The following ZFR2 variants were observed in gnomAD, a reference collection of about 807,000 sequenced individuals.
ZFR2 encodes zinc finger RNA binding protein 2.
A neutral mutation model predicts 105.7 loss-of-function variants in ZFR2; 104 were observed. That is an observed-to-expected ratio of 0.98 (90% CI 0.84 to 1.16). The LOEUF is 1.16. ZFR2 is among the 50% of genes most tolerant of loss of function. The pLI is 0.00. For missense variants in ZFR2, 1,425 were observed against 1,355.5 expected (o/e 1.05, Z -0.80); for synonymous variants, 634 against 597.7 (o/e 1.06, Z -0.89).
intron 6 of ZFR2, among the ~76,000 whole-genome samples, chr19:3,826,583 G>T (rs2037952809): frequency 6.6e-6 from 1 of 151,798 alleles, no homozygotes; most frequent in African/African-American, 2.4e-5. Context: ...TTACAGGCAC[G>T]CACCCACCAC....
chr19:3,820,204 G>T lies in ZFR2; in HGVS notation c.1718C>A (p.Ser573Ter). The change falls in exon 11 of 19, where the codon TCA (serine) becomes TAA (stop). Residue 573 changes from serine to a stop codon, truncating the protein, a stop_gained. Coordinates refer to ENST00000262961, the MANE Select transcript of ZFR2 (RefSeq NM_015174.2). LOFTEE classifies it high-confidence loss of function. ...AQPLLMGRPE[S>*]PASAPLQPGR... ...TACCTGGAGTGGGGCGCTGGCGGGT[G>T]ACTCCGGCCTGCCCATGAGCAGAGG... is the stretch of plus-strand genomic sequence containing the variant. 6.4e-7 allele frequency: 1 copy of T among 1,552,318 alleles called. No homozygotes were observed. The highest frequency in any genetic ancestry group is 8.7e-7 in the Non-Finnish European group (1 of 1,147,784).
rs545123204 is a variant in ZFR2, at chr19:3,850,138, C to G, written c.54-15155G>C. 3.9e-5 allele frequency among the ~76,000 whole-genome samples: 6 copies of G among 152,222 alleles called. No homozygotes were observed. In the East Asian group the frequency reaches 9.6e-4, roughly 24 times the overall value. ...AGACGCGGGGGCAGAGGCAGCGAAA[C>G]CCAGGCACCCTCTGGGAGAAGGAGG... On this transcript the variant is annotated intron_variant, in intron 1 of 18. Coordinates refer to ENST00000262961, the MANE Select transcript of ZFR2 (RefSeq NM_015174.2).
intron 16 of ZFR2, among the ~76,000 whole-genome samples, chr19:3,809,568 C>T (rs2037739041): frequency 6.6e-6 from 1 of 152,208 alleles, no homozygotes; most frequent in Admixed American, 6.5e-5. Context: ...TTCTCCACGT[C>T]AGGACAGCCG....
Position 3,831,528 on chromosome 19 carries a change from C to G in ZFR2, c.627G>C (p.Ser209=), listed in dbSNP as rs374562814. 1.3e-6 allele frequency: 2 copies of G among 1,559,520 alleles called. No homozygotes were observed. Among genetic ancestry groups the G allele is most frequent in the East Asian group, 4.8e-5 (2 of 41,728 alleles). ...TAPSYPNYDA[S]VYSAASPFYP... ...AGAAAGGGCTGGCAGCGGAGTACACCGACGCGTCATAGTTCGGGTAGCTTG... is the reference window on the plus strand; with the variant it reads ...AGAAAGGGCTGGCAGCGGAGTACACGGACGCGTCATAGTTCGGGTAGCTTG... Residue 209 remains serine (S), a synonymous_variant, in exon 5 of 19, where the codon TCG becomes TCC. Coordinates refer to ENST00000262961, the MANE Select transcript of ZFR2 (RefSeq NM_015174.2).
At position 3,825,416 on chromosome 19, in the gene ZFR2, G is replaced by T; in HGVS notation, c.1036-9C>A. 1 of 1,566,044 alleles carries T rather than the reference G, an allele frequency of 6.4e-7. No homozygotes were observed. On this transcript the variant is annotated splice_polypyrimidine_tract_variant and intron_variant, in intron 6 of 18. Coordinates refer to ENST00000262961, the MANE Select transcript of ZFR2 (RefSeq NM_015174.2). ...GCGTGCAGCTTGAAGACCTGCAACAGACAGAGCCGGGCTCCCGCGTGAGGG... is the reference window on the plus strand; with the variant it reads ...GCGTGCAGCTTGAAGACCTGCAACATACAGAGCCGGGCTCCCGCGTGAGGG...
At chr19:3,809,055 G>A (rs1475761364) in intron 16 of ZFR2, 72 bp from the exon 17 acceptor site, 1 of 1,231,816 alleles carries the variant, frequency 8.1e-7, no homozygotes, top group Admixed American at 2.9e-5. Flanking sequence ...GAGGTCCTGG[G>A]GTCCCTGGGA....
intron 1 of ZFR2, among the ~76,000 whole-genome samples, chr19:3,855,941 C>G (rs2038294233): frequency 1.3e-5 from 2 of 152,148 alleles, no homozygotes; most frequent in Non-Finnish European, 2.9e-5. Context: ...CAGCTTGTCC[C>G]CTGAGACCCC....
In ZFR2 at chr19:3,856,384, C is replaced by T. The variant is rs142083376; in HGVS notation, c.53+12581G>A. Among the ~76,000 whole-genome samples the T allele has an allele frequency of 5.3e-3, 803 of 152,164 alleles. 4 individuals carry two copies. The highest frequency in any genetic ancestry group is 0.017 in the Middle Eastern group (5 of 294). On this transcript the variant is annotated intron_variant, in intron 1 of 18. Coordinates refer to ENST00000262961, the MANE Select transcript of ZFR2 (RefSeq NM_015174.2). ...GCTGGAGTCAGAAACTGGGTGTCATCGATAGTTAATATTTTTTTAAGATTG... is the reference window on the plus strand; with the variant it reads ...GCTGGAGTCAGAAACTGGGTGTCATTGATAGTTAATATTTTTTTAAGATTG...
At position 3,829,648 on chromosome 19, in the gene ZFR2, G is replaced by A. The variant is rs117686267; in HGVS notation, c.852+1655C>T. Among the ~76,000 whole-genome samples the A allele has an allele frequency of 8.3e-4, 126 of 152,288 alleles. 1 individual carries two copies. The East Asian group carries it at 0.019, about 23-fold the overall frequency. ...CCACCTCAGCCTTCAAAGTGGCCAG[G>A]ACTATAGGTGCGTACCACCATGCCC... On this transcript the variant is annotated intron_variant, in intron 5 of 18. Transcript: ENST00000262961.
chr19:3,853,256 C>T (rs1207698353), intron 1 of ZFR2, among the ~76,000 whole-genome samples: 1 of 152,196 alleles, frequency 6.6e-6, no homozygotes, highest in Non-Finnish European at 1.5e-5. Context: ...GCCCACAGCC[C>T]TCCCCGGGTT....
chr19:3,864,182 A>G (rs1486775876), intron 1 of ZFR2, among the ~76,000 whole-genome samples: 1 of 152,056 alleles, frequency 6.6e-6, no homozygotes, highest in Admixed American at 6.6e-5. Flanking sequence ...CCGGTTCAAG[A>G]CCAGCCTGGG....
rs1002841695 is a variant in ZFR2, at chr19:3,813,332, G to A, written c.2242+488C>T. Among the ~76,000 whole-genome samples, 8 of 152,154 alleles carry A rather than the reference G, an allele frequency of 5.3e-5. No homozygotes were observed. Among genetic ancestry groups the A allele is most frequent in the East Asian group, 3.9e-4 (2 of 5,182 alleles). ...CCCTCGCTGCCCCTAGCCTGGCCCG[G>A]CCCCTCACCCACCCTCCCAGGCCTG... On this transcript the variant is annotated intron_variant, in intron 14 of 18. Transcript: ENST00000262961. The surrounding 1 kb of genome is among the most constrained non-coding windows in gnomAD (Gnocchi z 4.4).
chr19:3,849,155 C>G (rs1030263770), intron 1 of ZFR2, among the ~76,000 whole-genome samples: 1 of 152,230 alleles, frequency 6.6e-6, no homozygotes. Flanking sequence ...GAGGCCCAGG[C>G]GTGCTGAGCA....
chr19:3,830,895 GCA>G (rs145509353), intron 5 of ZFR2, among the ~76,000 whole-genome samples: 1 of 151,520 alleles, frequency 6.6e-6, no homozygotes, highest in Non-Finnish European at 1.5e-5. Flanking sequence ...AAGCACGCAT[GCA>G]CACACACACA....
intron 13 of ZFR2, among the ~76,000 whole-genome samples, chr19:3,815,750 ATT>A (rs10579892): frequency 0.048 from 6,505 of 136,856 alleles, 442 homozygotes; most frequent in African/African-American, 0.16. Flanking sequence ...TGCTCAGCTA[ATT>A]TTTTTTTTTT....
intron 10 of ZFR2, among the ~76,000 whole-genome samples, chr19:3,820,853 G>A (rs984840895): frequency 7.1e-6 from 1 of 140,368 alleles, no homozygotes; most frequent in African/African-American, 2.7e-5. Context: ...GACACCGGGG[G>A]TCGGGGGACA....
rs1370413279 is a variant in ZFR2 at position 3,861,101 on chromosome 19, C to G, written c.53+7864G>C. ...ACTTCACCTCCTGCGGCAGGACTGG[C>G]CTTCCCAGATCCACAATGCCGCGGA... is the stretch of plus-strand genomic sequence containing the variant. On this transcript the variant is annotated intron_variant, in intron 1 of 18. Coordinates refer to ENST00000262961, the MANE Select transcript of ZFR2 (RefSeq NM_015174.2). Among the ~76,000 whole-genome samples the G allele has an allele frequency of 2.0e-5, 3 of 152,180 alleles. 1 individual carries two copies. Among genetic ancestry groups the G allele is most frequent in the South Asian group, 4.1e-4 (2 of 4,820 alleles).
intron 1 of ZFR2, among the ~76,000 whole-genome samples, chr19:3,848,819 G>A (rs982615362): frequency 7.9e-5 from 12 of 151,408 alleles, no homozygotes; most frequent in Non-Finnish European, 1.3e-4. Context: ...GTGAAACCCC[G>A]TCTCCACTAA....
chr19:3,831,312 A>G lies in ZFR2; in HGVS notation c.843T>C (p.Ala281=), dbSNP rs1204903711. 2 of 1,536,878 alleles carry G rather than the reference A, an allele frequency of 1.3e-6. No homozygotes were observed. Among genetic ancestry groups the G allele is most frequent in the East Asian group, 2.4e-5 (1 of 41,578 alleles). ...CAGGAGGGCGACTGACCTGGGGGCC[A>G]GCGCAGCTGATCTTGCAGATGTCGC... is the stretch of plus-strand genomic sequence containing the variant. The part of the protein sequence containing the change: ...HYCDICKISC[A]GPQTYREHLG... Residue 281 remains alanine (A), a synonymous_variant, in exon 5 of 19, where the codon GCT becomes GCC. Transcript: ENST00000262961.
Sources: allele counts gnomAD v4.1 joint callset (sites outside exome capture counted in the v4.1 genomes callset), GRCh38; gene constraint gnomAD v4.1.1; non-coding constraint Gnocchi (gnomAD v3.1); transcripts MANE v1.5; gene names NCBI Gene and HGNC (gene_info 2026-07-23, HGNC 2026-07-21).